Variants in LTBP3 observed in about 807,000 individuals in gnomAD.
LTBP3 encodes the protein latent transforming growth factor beta binding protein 3.
A neutral mutation model predicts 159.7 loss-of-function variants in LTBP3; 97 were observed. That is an observed-to-expected ratio of 0.61 (90% CI 0.52 to 0.72). LTBP3 has a LOEUF of 0.72. LTBP3 is among the 30% of genes least tolerant of loss of function. The pLI, the probability that LTBP3 is intolerant of heterozygous loss-of-function variation, is 0.00. For synonymous variants in LTBP3, 824 were observed against 777.1 expected, an observed-to-expected ratio of 1.06 and a Z score of -1.00; for missense variants, 1,584 against 1,864.3, an observed-to-expected ratio of 0.85 and a Z score of 2.77.
Position 65,541,250 on chromosome 11 carries a change from G to A in LTBP3, c.2769C>T (p.Phe923=). 1 of 1,613,516 alleles carries A rather than the reference G, an allele frequency of 6.2e-7. No homozygotes were observed. Residue 923 remains phenylalanine (F), a synonymous_variant, in exon 20 of 28, where the codon TTC becomes TTT. Coordinates refer to ENST00000301873, the MANE Select transcript of LTBP3 (RefSeq NM_001130144.3). ...PHHKKECYLN[F]DDTVFCDSVL... is the part of the protein sequence containing the mutation. ...CGCTGTCGCAGAACACTGTGTCATC[G>A]AAGTTCAGGTAGCACTCCTTCTTGT...
chr11:65,557,602 GC>G (rs1302541512), intron 1 of LTBP3, 26 bp downstream of exon 1: 12 of 1,605,198 alleles, frequency 7.5e-6, no homozygotes, highest in Non-Finnish European at 8.5e-6. Context: ...TCCTTCCCCT[GC>G]CCCCAGCCGT....
chr11:65,540,800 C>G, intron 21 of LTBP3, 71 bp downstream of exon 21: 1 of 1,513,888 alleles, frequency 6.6e-7, no homozygotes. Flanking sequence ...CCCAGCGAGT[C>G]CCGGCGGGAT....
At chr11:65,539,908 A>G in intron 24 of LTBP3, 27 bp from the exon 25 acceptor site, 2 of 1,500,200 alleles carry the variant, frequency 1.3e-6, no homozygotes, top group Non-Finnish European at 8.8e-7. Context: ...GCATCAGGGG[A>G]GGGGCCCAAG....
rs1376036610 is a variant in LTBP3, at chr11:65,539,616, G to C, written c.3560C>G (p.Pro1187Arg). The change falls in exon 26 of 28, where the codon CCG (proline) becomes CGG (arginine). Residue 1187 changes from proline (P) to arginine (R), a missense_variant. Transcript: ENST00000301873. ...CPPRGAGSHCPTSQSESNSFW... is the reference protein window; with the variant it reads ...CPPRGAGSHCRTSQSESNSFW... ...GGAATTGCTCTCGCTCTGCGATGTC[G>C]GGCAATGGGACCCTGGGAGGAGCAG... The C allele has an allele frequency of 8.7e-6, 14 of 1,611,056 alleles. No homozygotes were observed. The highest frequency in any genetic ancestry group is 1.1e-5 in the Non-Finnish European group (13 of 1,178,962).
intron 16 of LTBP3, chr11:65,544,494 A>G (rs1193914982): frequency 6.6e-6 from 1 of 152,280 alleles, no homozygotes; most frequent in South Asian, 2.1e-4. Context: ...CTGGGTGCGG[A>G]GTGGGACTGG....
rs1856675325 is a variant in LTBP3, at chr11:65,553,224, C to T, written c.1003G>A (p.Gly335Arg). 1.9e-6 allele frequency: 3 copies of T among 1,614,130 alleles called. No homozygotes were observed. Among genetic ancestry groups the T allele is most frequent in the Non-Finnish European group, 2.5e-6 (3 of 1,180,012 alleles). The change falls in exon 5 of 28, where the codon GGG becomes AGG. Residue 335 changes from glycine to arginine, a missense_variant. This residue lies in a region of LTBP3 where 156 missense variants were observed against 259.7 expected (regional missense o/e 0.60). Coordinates refer to ENST00000301873, the MANE Select transcript of LTBP3 (RefSeq NM_001130144.3). This position sits in a 1 kb window ranked among gnomAD's most constrained non-coding sequence, Gnocchi z 6.5. ...TGGGGACAGTCAGCGCCCACTTCCC[C>T]ACGTACAGGCCCTGGCTTCTGCACT... is the stretch of plus-strand genomic sequence containing the variant. ...TGVQKPGPVR[G>R]EVGADCPQGY...
chr11:65,554,131 G>A lies in LTBP3; in HGVS notation c.581C>T (p.Pro194Leu). The change falls in exon 2 of 28, where the codon CCT becomes CTT. Residue 194 changes from proline to leucine, a missense_variant. By Grantham distance (98) the Pro-to-Leu change is moderately conservative (BLOSUM62 -3). Coordinates refer to ENST00000301873, the MANE Select transcript of LTBP3 (RefSeq NM_001130144.3). The surrounding 1 kb of genome is among the most constrained non-coding windows in gnomAD (Gnocchi z 5.3). The stretch of plus-strand genomic sequence containing the variant: ...AGGAGGCCCCTCCCCGGGCCCAGGA[G>A]GGTCAGCGATCACCTGGACGGCGTA... The part of the protein sequence containing the change: ...AIYAVQVIAD[P>L]PGPGEGPPAQ... 1 of 1,611,764 alleles carries A rather than the reference G, an allele frequency of 6.2e-7. No individual in the cohort carries two copies. Among genetic ancestry groups the A allele is most frequent in the East Asian group, 2.2e-5 (1 of 44,838 alleles).
chr11:65,551,546 A>G lies in LTBP3; in HGVS notation c.1548+2T>C. On this transcript the variant is annotated splice_donor_variant, in intron 9 of 27. Transcript: ENST00000301873. LOFTEE classifies it high-confidence loss of function. ...CCCTCCCATCTGGGTTCTCATACTC[A>G]CTGAGTCCGTGGTCACCCCTAAAAG... 6.2e-7 allele frequency: 1 copy of G among 1,613,778 alleles called. No individual in the cohort carries two copies. Among genetic ancestry groups the G allele is most frequent in the Non-Finnish European group, 8.5e-7 (1 of 1,179,966 alleles).
Position 65,553,741 on chromosome 11 carries a change from G to C in LTBP3, c.824C>G (p.Pro275Arg). The C allele has an allele frequency of 6.3e-7, 1 of 1,579,562 alleles. No individual in the cohort carries two copies. Among genetic ancestry groups the C allele is most frequent in the South Asian group, 1.1e-5 (1 of 88,068 alleles). ...AGTGTCCTGAAAGCAGCGGCCCAGGGGCTTCTGGGTGGGCGGCCGGGGGTG... is the reference window on the plus strand; with the variant it reads ...AGTGTCCTGAAAGCAGCGGCCCAGGCGCTTCTGGGTGGGCGGCCGGGGGTG... ...PSHPRPPTQKPLGRCFQDTLP... is the reference protein window; with the variant it reads ...PSHPRPPTQKRLGRCFQDTLP... Residue 275 changes from proline to arginine, a missense_variant, in exon 3 of 28, where the codon CCC becomes CGC. Around this residue, in one of 6 missense-constraint regions of LTBP3, gnomAD observed 194 missense variants for 198.7 expected, o/e 0.98. Transcript: ENST00000301873. The surrounding 1 kb of genome is among the most constrained non-coding windows in gnomAD (Gnocchi z 6.5).
intron 21 of LTBP3, 28 bp from the exon 22 acceptor site, chr11:65,540,642 C>T (rs200140278): frequency 2.7e-5 from 43 of 1,605,076 alleles, no homozygotes; most frequent in Middle Eastern, 1.6e-4. Flanking sequence ...CTGGCCGCTC[C>T]GGTCCCGCAG....
Position 65,546,713 on chromosome 11 carries a change from C to A in LTBP3, c.2230+85G>T. ...CCCGCCCCCAGACGCCAATCACCAC[C>A]GCTACCCCGCCCCGCCCCCAGCGGA... On this transcript the variant is annotated intron_variant, in intron 15 of 27. Transcript: ENST00000301873. This position sits in a 1 kb window ranked among gnomAD's most constrained non-coding sequence, Gnocchi z 4.0. The A allele has an allele frequency of 1.3e-6, 2 of 1,530,984 alleles. No homozygotes were observed. Among genetic ancestry groups the A allele is most frequent in the Non-Finnish European group, 1.8e-6 (2 of 1,140,166 alleles). The allele number at this position is 1,530,984 out of a possible 1,614,324, so 94.8% of individuals were successfully genotyped here. A position where few individuals can be genotyped will look rare whatever the true frequency, so the allele number is the denominator to read the frequency against.
rs777144730 is a variant in LTBP3 at position 65,539,557 on chromosome 11, G to C, written c.3619C>G (p.Pro1207Ala). The part of the protein sequence containing the change: ...WDTSPLLLGK[P>A]PRDEDSSEED... ...ACCCGGCAGCACTCACCTCTTGGGG[G>C]CTTCCCCAACAGCAGGGGGCTTGTG... Residue 1207 changes from proline (P) to alanine (A), a missense_variant, in exon 26 of 28, where the codon CCC becomes GCC. Physicochemically the swap from Pro to Ala is conservative, Grantham distance 27. Around this residue, in one of 6 missense-constraint regions of LTBP3, gnomAD observed 514 missense variants for 530.3 expected, o/e 0.97. Transcript: ENST00000301873. 2 of 1,612,376 alleles carry C rather than the reference G, an allele frequency of 1.2e-6. No homozygotes were observed. Among genetic ancestry groups the C allele is most frequent in the African/African-American group, 2.7e-5 (2 of 74,832 alleles).
At position 65,546,735 on chromosome 11, in the gene LTBP3, C is replaced by A. The variant is rs770301769; in HGVS notation, c.2230+63G>T. 6.5e-7 allele frequency: 1 copy of A among 1,544,778 alleles called. No individual in the cohort carries two copies. Among genetic ancestry groups the A allele is most frequent in the Non-Finnish European group, 8.7e-7 (1 of 1,145,250 alleles). Reference sequence around the variant, plus strand: ...CACCGCTACCCCGCCCCGCCCCCAGCGGAGCCAGACTGGGGGAGGCACCTG... The same window carrying A: ...CACCGCTACCCCGCCCCGCCCCCAGAGGAGCCAGACTGGGGGAGGCACCTG... On this transcript the variant is annotated intron_variant, in intron 15 of 27. Transcript: ENST00000301873. The surrounding 1 kb of genome is among the most constrained non-coding windows in gnomAD (Gnocchi z 4.0).
At chr11:65,551,909 G>A (rs1856626197) in intron 8 of LTBP3, 63 bp downstream of exon 8, 20 of 1,549,704 alleles carry the variant, frequency 1.3e-5, no homozygotes, top group Admixed American at 5.0e-5. Flanking sequence ...TGTGGATCAC[G>A]GGTCAAGGGG....
Position 65,553,786 on chromosome 11 carries a change from A to G in LTBP3, c.779T>C (p.Leu260Pro), listed in dbSNP as rs1424536000. ...GGGGTGCGAGGGCTTGGGGTGCGGC[A>G]GCAGGTGCTGGGAGGGGGCTGCGCT... ...AESAAPSQHL[L>P]PHPKPSHPRP... is the part of the protein sequence containing the mutation. Residue 260 changes from leucine (L) to proline (P), a missense_variant, in exon 3 of 28, where the codon CTG becomes CCG. By Grantham distance (98) the Leu-to-Pro change is moderately conservative. This residue lies in a region of LTBP3 where 194 missense variants were observed against 198.7 expected (regional missense o/e 0.98). Transcript: ENST00000301873. The surrounding 1 kb of genome is among the most constrained non-coding windows in gnomAD (Gnocchi z 6.5). 1 of 1,566,814 alleles carries G rather than the reference A, an allele frequency of 6.4e-7. No individual in the cohort carries two copies. The highest frequency in any genetic ancestry group is 1.2e-5 in the South Asian group (1 of 86,852).
At chr11:65,539,961 C>G in intron 24 of LTBP3, 52 bp downstream of exon 24, 4 of 1,457,158 alleles carry the variant, frequency 2.7e-6, no homozygotes, top group Non-Finnish European at 3.6e-6. Flanking sequence ...TGCGCGGGGG[C>G]CACGTGACGG....
At chr11:65,550,127 G>C (rs1697888412) in intron 11 of LTBP3, among the ~76,000 whole-genome samples, 1 of 151,096 alleles carries the variant, frequency 6.6e-6, no homozygotes. Flanking sequence ...AACTAAATCA[G>C]GGCCAGGCGT....
At chr11:65,540,721 G>GGGGCGGGGCCTACA (rs901146885) in intron 21 of LTBP3, 107 bp from the exon 22 acceptor site, 5 of 1,564,888 alleles carry the variant, frequency 3.2e-6, no homozygotes, top group South Asian at 1.1e-5. Context: ...GCCTACAGGA[G>GGGGCGGGGCCTACA]GGGCGGGGCC....
At chr11:65,540,741 G>GGCCCTACAGGGCGT in intron 21 of LTBP3, 127 bp from the exon 22 acceptor site, 1 of 1,503,196 alleles carries the variant, frequency 6.7e-7, no homozygotes. Flanking sequence ...CTACAGGGCG[G>GGCCCTACAGGGCGT]GGCCTGCGAG....
Sources: gnomAD v4.1 joint callset for allele counts (sites outside exome capture counted in the v4.1 genomes callset) on GRCh38, gnomAD v4.1.1 for gene constraint, gnomAD v4.1.1 regional missense constraint, Gnocchi (gnomAD v3.1) non-coding constraint, MANE v1.5 for transcripts, NCBI Gene and HGNC (gene_info 2026-07-23, HGNC 2026-07-21) for gene names.